RAPGEFL1: variants seen among roughly 807,000 people sequenced by gnomAD.
RAPGEFL1 encodes the protein Rap guanine nucleotide exchange factor like 1, also known as rap guanine nucleotide exchange factor-like 1.
RAPGEFL1 carries 31 observed loss-of-function variants against 64.4 expected under a neutral mutation model. The ratio of observed to expected loss-of-function variants is 0.48; its 90% CI spans 0.36 to 0.65. The LOEUF is 0.65. Ranked by LOEUF, RAPGEFL1 falls within the 30% of genes least tolerant of loss-of-function variation. RAPGEFL1 has a pLI of 0.00. For missense variants in RAPGEFL1, 682 were observed against 677.4 expected, an observed-to-expected ratio of 1.01 and a Z score of -0.08; for synonymous variants, 331 against 274.1, an observed-to-expected ratio of 1.21 and a Z score of -2.05.
Position 40,177,514 on chromosome 17 carries a change from G to A in RAPGEFL1, c.-348G>A, listed in dbSNP as rs944777240. The stretch of plus-strand genomic sequence containing the variant: ...CAGGAGCGCAGCCGCCGCCGCCGCC[G>A]CCGCCGCGTCCTCTCAGCCTTGCGC... On this transcript the variant is annotated 5_prime_UTR_variant, in exon 1 of 15. Coordinates refer to ENST00000620260, the MANE Select transcript of RAPGEFL1 (RefSeq NM_016339.6). 1.7e-5 allele frequency: 10 copies of A among 595,602 alleles called. No individual in the cohort carries two copies. In the African/African-American group the frequency reaches 1.7e-4, roughly 10 times the overall value. 36.9% of individuals were successfully genotyped at this position (595,602 alleles called of 1,614,324 possible).
At position 40,177,648 on chromosome 17, in the gene RAPGEFL1, G is replaced by C. The variant is rs1989751724; in HGVS notation, c.-214G>C. The C allele has an allele frequency of 2.4e-6, 1 of 410,320 alleles. No individual in the cohort carries two copies. The highest frequency in any genetic ancestry group is 3.6e-5 in the East Asian group (1 of 27,434). The allele number at this position is 410,320 out of a possible 1,614,324, so 25.4% of individuals were successfully genotyped here. On this transcript the variant is annotated 5_prime_UTR_variant, in exon 1 of 15. Transcript: ENST00000620260. ...TGCAGCCGGCATGGGGGGTTGCTGA[G>C]AGCGAGCACTCCTTTCCTCTGGCAC... is the stretch of plus-strand genomic sequence containing the variant.
intron 1 of RAPGEFL1, chr17:40,181,147 G>T (rs1400306601): frequency 1.4e-5 from 5 of 365,740 alleles, no homozygotes; most frequent in East Asian, 7.4e-5. Context: ...GTTCCCACCT[G>T]CCTAGTTAGA....
intron 1 of RAPGEFL1, 28 bp downstream of exon 1, chr17:40,178,409 A>G (rs1002534772): frequency 4.2e-6 from 2 of 477,652 alleles, no homozygotes; most frequent in Admixed American, 4.0e-5. Context: ...TCGAACACCC[A>G]GAGCAGGGGC....
Position 40,184,601 on chromosome 17 carries a change from G to T in RAPGEFL1, c.756G>T (p.Met252Ile). 6.4e-7 allele frequency: 1 copy of T among 1,567,404 alleles called. No homozygotes were observed. The highest frequency in any genetic ancestry group is 8.7e-7 in the Non-Finnish European group (1 of 1,144,540). ...HIIKDLYLLIMKDESLYQGLR... is the reference protein window; with the variant it reads ...HIIKDLYLLIIKDESLYQGLR... ...TCCAGGATCTATACCTGCTAATTAT[G>T]AAGGACGAGTCCCTTTACCAGGGCC... The change falls in exon 4 of 15, where the codon ATG becomes ATT. Residue 252 changes from methionine to isoleucine, a missense_variant. Around this residue, in one of 2 missense-constraint regions of RAPGEFL1, gnomAD observed 271 missense variants for 158.0 expected, o/e 1.72. Transcript: ENST00000620260.
chr17:40,191,114 G>A lies in RAPGEFL1; in HGVS notation c.1336-202G>A, dbSNP rs527733124. 3.3e-6 allele frequency: 2 copies of A among 612,730 alleles called. No individual in the cohort carries two copies. Among genetic ancestry groups the A allele is most frequent in the South Asian group, 4.1e-5 (2 of 49,000 alleles). The allele number at this position is 612,730 out of a possible 1,614,324, so 38.0% of individuals were successfully genotyped here. ...ATGCCTGGCACCTAGTAAGTGCTCA[G>A]TAGCTGGTGAAATATTATTAATGCT... is the stretch of plus-strand genomic sequence containing the variant. On this transcript the variant is annotated intron_variant, in intron 8 of 14. Coordinates refer to ENST00000620260, the MANE Select transcript of RAPGEFL1 (RefSeq NM_016339.6). This position sits in a 1 kb window ranked among gnomAD's most constrained non-coding sequence, Gnocchi z 5.1.
Position 40,188,997 on chromosome 17 carries a change from A to C in RAPGEFL1, c.946+19A>C. The C allele has an allele frequency of 6.2e-7, 1 of 1,606,410 alleles. No homozygotes were observed. Among genetic ancestry groups the C allele is most frequent in the Non-Finnish European group, 8.5e-7 (1 of 1,173,514 alleles). On this transcript the variant is annotated intron_variant, in intron 5 of 14. Coordinates refer to ENST00000620260, the MANE Select transcript of RAPGEFL1 (RefSeq NM_016339.6). ...GATGAGAGTGAGTGTGGGCATTAGG[A>C]GGGGCAGGGTGTCCTGAGTGGCTCA...
chr17:40,189,039 G>T, intron 5 of RAPGEFL1, 61 bp downstream of exon 5: 1 of 1,521,686 alleles, frequency 6.6e-7, no homozygotes, highest in South Asian at 1.1e-5. Context: ...CATATCTCTG[G>T]GTCTTGAGCA....
Position 40,188,914 on chromosome 17 carries a change from C to T in RAPGEFL1, c.882C>T (p.Phe294=). 1.2e-6 allele frequency: 2 copies of T among 1,614,220 alleles called. No homozygotes were observed. The highest frequency in any genetic ancestry group is 1.1e-5 in the South Asian group (1 of 91,086). The change falls in exon 5 of 15, where the codon TTC becomes TTT. Residue 294 remains phenylalanine (F), a synonymous_variant. Coordinates refer to ENST00000620260, the MANE Select transcript of RAPGEFL1 (RefSeq NM_016339.6). ...CCAGCAAGCAGGTGAAGCCACTCTT[C>T]CGCCACTTCCGCCGGATAGACTCCT... is the stretch of plus-strand genomic sequence containing the variant. ...QPPSKQVKPL[F]RHFRRIDSCL... is the part of the protein sequence containing the mutation.
In RAPGEFL1 at chr17:40,181,110, C is replaced by T. The variant is rs374869791; in HGVS notation, c.521-506C>T. 8.5e-5 allele frequency: 29 copies of T among 341,402 alleles called. 1 individual carries two copies. Among genetic ancestry groups the T allele is most frequent in the East Asian group, 5.4e-4 (7 of 12,940 alleles). The allele number at this position is 341,402 out of a possible 1,614,324, so 21.1% of individuals were successfully genotyped here. ...GTTCTGGGATCAAAGTGATGGCAGT[C>T]TCTCCATCTCCCTTTTAATCAGGCT... On this transcript the variant is annotated intron_variant, in intron 1 of 14. Transcript: ENST00000620260.
intron 11 of RAPGEFL1, 64 bp from the exon 12 acceptor site, chr17:40,192,542 C>T (rs1990311895): frequency 1.5e-6 from 2 of 1,372,908 alleles, no homozygotes; most frequent in East Asian, 2.3e-5. Flanking sequence ...AGGGAGGAAG[C>T]TGAGGACATC....
intron 4 of RAPGEFL1, among the ~76,000 whole-genome samples, chr17:40,187,984 A>G (rs1284961436): frequency 7.6e-6 from 1 of 132,064 alleles, no homozygotes; most frequent in Non-Finnish European, 1.6e-5. Flanking sequence ...GCGTGATCTC[A>G]ACTCACTGCA....
chr17:40,184,370 G>A (rs770464018), intron 3 of RAPGEFL1, 21 bp downstream of exon 3: 1 of 1,595,280 alleles, frequency 6.3e-7, no homozygotes. Context: ...GGGAAGAGAA[G>A]GTGGGTAAAC....
chr17:40,181,179 A>C (rs1989882504), intron 1 of RAPGEFL1: 2 of 381,096 alleles, frequency 5.2e-6, no homozygotes, highest in African/African-American at 2.1e-5. Context: ...TTAGGTGGGA[A>C]ATGGGGAGGG....
In RAPGEFL1 at chr17:40,178,202, T is replaced by G. The variant is rs1341408661; in HGVS notation, c.341T>G (p.Leu114Arg). The G allele has an allele frequency of 1.8e-6, 1 of 552,696 alleles. No homozygotes were observed. Among genetic ancestry groups the G allele is most frequent in the African/African-American group, 2.0e-5 (1 of 49,494 alleles). The allele number at this position is 552,696 out of a possible 1,614,324, so 34.2% of individuals were successfully genotyped here. A position where few individuals can be genotyped will look rare whatever the true frequency, so the allele number is the denominator to read the frequency against. Residue 114 changes from leucine (L) to arginine (R), a missense_variant, in exon 1 of 15, where the codon CTC becomes CGC. Transcript: ENST00000620260. ...GAGGAGGTGCCGGGGCCCGGGCCTC[T>G]CGGGGGAGGGGGGCCCCTGCGCTCC... ...QLEEVPGPGPLGGGGPLRSPS... is the reference protein window; with the variant it reads ...QLEEVPGPGPRGGGGPLRSPS...
At chr17:40,181,515 A>G in intron 1 of RAPGEFL1, 101 bp from the exon 2 acceptor site, 1 of 684,462 alleles carries the variant, frequency 1.5e-6, no homozygotes, top group Non-Finnish European at 2.7e-6. Context: ...AGCCTGGCTA[A>G]AGAGAACTTG....
chr17:40,191,723 C>G lies in RAPGEFL1; in HGVS notation c.1605+51C>G. The G allele has an allele frequency of 6.4e-7, 1 of 1,550,530 alleles. No homozygotes were observed. The highest frequency in any genetic ancestry group is 1.2e-5 in the South Asian group (1 of 85,884). On this transcript the variant is annotated intron_variant, in intron 10 of 14. Transcript: ENST00000620260. This position sits in a 1 kb window ranked among gnomAD's most constrained non-coding sequence, Gnocchi z 5.1. ...CTGGGAATCTGGGCATCCCGGGCTC[C>G]CCGAAGTGCGTCCTCCCGGGACGGC...
chr17:40,189,470 T>C lies in RAPGEFL1; in HGVS notation c.1114+95T>C, dbSNP rs1006924116. 1.2e-5 allele frequency: 17 copies of C among 1,369,914 alleles called. No homozygotes were observed. The African/African-American group carries it at 2.2e-4, about 18-fold the overall frequency. The allele number at this position is 1,369,914 out of a possible 1,614,324, so 84.9% of individuals were successfully genotyped here. ...GGGTAGAGACTGAATTCTAGGCCCTTGCTACTCAAAGTATGGTCCCGGGAC... is the reference window on the plus strand; with the variant it reads ...GGGTAGAGACTGAATTCTAGGCCCTCGCTACTCAAAGTATGGTCCCGGGAC... On this transcript the variant is annotated intron_variant, in intron 6 of 14. Coordinates refer to ENST00000620260, the MANE Select transcript of RAPGEFL1 (RefSeq NM_016339.6).
At chr17:40,178,461 G>A in intron 1 of RAPGEFL1, 80 bp downstream of exon 1, 1 of 445,576 alleles carries the variant, frequency 2.2e-6, no homozygotes, top group East Asian at 3.5e-5. Flanking sequence ...CGTAGGGGTG[G>A]CGCCGTGCCG....
intron 2 of RAPGEFL1, 64 bp from the exon 3 acceptor site, chr17:40,184,150 C>T (rs996615925): frequency 1.6e-6 from 2 of 1,229,054 alleles, no homozygotes; most frequent in Non-Finnish European, 2.4e-6. Context: ...AGCCTAGCCT[C>T]CCATCTTTCT....
Sources: allele counts gnomAD v4.1 joint callset (sites outside exome capture counted in the v4.1 genomes callset), GRCh38; gene constraint gnomAD v4.1.1; regional missense constraint gnomAD v4.1.1; non-coding constraint Gnocchi (gnomAD v3.1); transcripts MANE v1.5; gene names NCBI Gene and HGNC (gene_info 2026-07-23, HGNC 2026-07-21).